The following ST3GAL5 variants were observed in gnomAD, a reference collection of about 807,000 sequenced individuals.
The protein encoded by ST3GAL5 is lactosylceramide alpha-2,3-sialyltransferase.
A neutral mutation model predicts 46.1 loss-of-function variants in ST3GAL5; 25 were observed. That is an observed-to-expected ratio of 0.54 (90% confidence interval 0.40 to 0.76). The LOEUF (loss-of-function observed/expected upper bound fraction) is 0.76. ST3GAL5 is among the 30% of genes least tolerant of loss of function. ST3GAL5 has a pLI of 0.00. For synonymous variants in ST3GAL5, 182 were observed against 192.7 expected (o/e 0.94, Z 0.46); for missense variants, 431 against 521.2 (o/e 0.83, Z 1.69).
intron 3 of ST3GAL5, chr2:85,852,934 T>G: frequency 7.7e-7 from 1 of 1,301,980 alleles, no homozygotes; most frequent in Non-Finnish European, 1.0e-6. Context: ...TTGAAGATGC[T>G]GGTGCCTGGG....
In ST3GAL5 at chr2:85,840,350, G is replaced by T; in HGVS notation, c.1051C>A (p.His351Asn). 1 of 1,614,146 alleles carries T rather than the reference G, an allele frequency of 6.2e-7. No individual in the cohort carries two copies. Residue 351 changes from histidine (H) to asparagine (N), a missense_variant, in exon 7 of 7, where the codon CAT (histidine) becomes AAT (asparagine). Transcript: ENST00000638572. ...GCCAAACTGACTTCATCGCACAGAT[G>T]TGTGGCTAAGACAACGGCAATGACA... is the stretch of plus-strand genomic sequence containing the variant. ...IGVIAVVLAT[H>N]LCDEVSLAGF...
At chr2:85,884,235 G>A (rs985835786) in intron 1 of ST3GAL5, among the ~76,000 whole-genome samples, 2 of 152,164 alleles carry the variant, frequency 1.3e-5, no homozygotes, top group African/African-American at 4.8e-5. Context: ...TGAGAATAAA[G>A]TGAGTAGGAA....
intron 3 of ST3GAL5, 78 bp from the exon 4 acceptor site, chr2:85,848,282 C>T: frequency 6.2e-7 from 1 of 1,612,208 alleles, no homozygotes; most frequent in African/African-American, 1.3e-5. Flanking sequence ...GACAATTTGT[C>T]CTATGATGTC....
chr2:85,842,640 A>G (rs1682276349), intron 6 of ST3GAL5, among the ~76,000 whole-genome samples: 1 of 152,224 alleles, frequency 6.6e-6, no homozygotes, highest in South Asian at 2.1e-4. Context: ...GACAGATTAT[A>G]AAGCAGAAAG....
At chr2:85,848,634 C>G (rs1047082020) in intron 3 of ST3GAL5, 11 of 338,712 alleles carry the variant, frequency 3.2e-5, no homozygotes, top group Non-Finnish European at 6.3e-5. Flanking sequence ...TATGACCTGA[C>G]TTATATGAGG....
chr2:85,868,476 A>AT (rs33930859), intron 1 of ST3GAL5, among the ~76,000 whole-genome samples: 6,364 of 134,248 alleles, frequency 0.047, 209 homozygotes, highest in East Asian at 0.11. Context: ...TAATTTTTGT[A>AT]TTTTTTTTTT....
chr2:85,872,151 T>C lies in ST3GAL5; in HGVS notation c.83-8666A>G, dbSNP rs1573687790. Among the ~76,000 whole-genome samples, 2 of 151,678 alleles carry C rather than the reference T, an allele frequency of 1.3e-5. 1 individual carries two copies. Among genetic ancestry groups the C allele is most frequent in the Admixed American group, 1.3e-4 (2 of 15,234 alleles). On this transcript the variant is annotated intron_variant, in intron 1 of 6. Transcript: ENST00000638572. Reference sequence around the variant, plus strand: ...GACGGGGAAGGAATGGGGACAGAGGTCTCTGAGCCAGAACAAAGGCAAGAC... The same window carrying C: ...GACGGGGAAGGAATGGGGACAGAGGCCTCTGAGCCAGAACAAAGGCAAGAC...
At chr2:85,877,319 A>C (rs1686686216) in intron 1 of ST3GAL5, among the ~76,000 whole-genome samples, 1 of 152,264 alleles carries the variant, frequency 6.6e-6, no homozygotes, top group South Asian at 2.1e-4. Flanking sequence ...GGTCCAGTCC[A>C]GGATCATTTG....
intron 1 of ST3GAL5, among the ~76,000 whole-genome samples, chr2:85,886,398 A>AGT (rs1184874393): frequency 6.6e-6 from 1 of 152,172 alleles, no homozygotes; most frequent in African/African-American, 2.4e-5. Context: ...CCGCGACTGG[A>AGT]GTACAACACA....
chr2:85,840,528 T>A, intron 6 of ST3GAL5, 136 bp from the exon 7 acceptor site: 1 of 926,200 alleles, frequency 1.1e-6, no homozygotes, highest in Non-Finnish European at 1.7e-6. Flanking sequence ...CATAATTTTA[T>A]ACATCATGAA....
At chr2:85,878,310 A>G (rs758904361) in intron 1 of ST3GAL5, among the ~76,000 whole-genome samples, 2 of 152,242 alleles carry the variant, frequency 1.3e-5, no homozygotes, top group Non-Finnish European at 2.9e-5. Context: ...CAACCCAGTG[A>G]TACCCACTGT....
At chr2:85,865,908 G>A (rs1295229265) in intron 1 of ST3GAL5, 1 of 152,286 alleles carries the variant, frequency 6.6e-6, no homozygotes, top group Non-Finnish European at 1.5e-5. Flanking sequence ...GTGAAAGACT[G>A]GGAGGCAATC....
At chr2:85,853,228 C>G in intron 3 of ST3GAL5, 1 of 465,306 alleles carries the variant, frequency 2.1e-6, no homozygotes, top group Non-Finnish European at 3.7e-6. Flanking sequence ...ACCACACTTT[C>G]AAAGTGTCCA....
chr2:85,843,955 G>A (rs1682454171), intron 6 of ST3GAL5, among the ~76,000 whole-genome samples: 1 of 152,132 alleles, frequency 6.6e-6, no homozygotes, highest in South Asian at 2.1e-4. Flanking sequence ...CACCTACAAA[G>A]TGATGATAAA....
intron 1 of ST3GAL5, among the ~76,000 whole-genome samples, chr2:85,874,126 T>G (rs1327323111): frequency 2.0e-5 from 3 of 152,262 alleles, no homozygotes; most frequent in Non-Finnish European, 4.4e-5. Context: ...TGTACTAATT[T>G]TGACCATCAA....
chr2:85,878,397 CA>C (rs1401766323), intron 1 of ST3GAL5, among the ~76,000 whole-genome samples: 1 of 152,226 alleles, frequency 6.6e-6, no homozygotes, highest in Admixed American at 6.5e-5. Flanking sequence ...ATGCTATCTA[CA>C]CCAGCCTCAT....
At chr2:85,876,114 A>C (rs557502324) in intron 1 of ST3GAL5, among the ~76,000 whole-genome samples, 77 of 152,342 alleles carry the variant, frequency 5.1e-4, no homozygotes, top group African/African-American at 1.6e-3. Context: ...TTTAACTGGC[A>C]AATGCTGAGG....
intron 3 of ST3GAL5, chr2:85,850,461 G>A (rs1334101829): frequency 6.6e-6 from 1 of 152,266 alleles, no homozygotes; most frequent in Non-Finnish European, 1.5e-5. Flanking sequence ...CAAGGAATCT[G>A]CCTTGACCCT....
intron 1 of ST3GAL5, among the ~76,000 whole-genome samples, chr2:85,863,765 T>TG (rs1684983272): frequency 6.6e-6 from 1 of 151,796 alleles, no homozygotes; most frequent in Non-Finnish European, 1.5e-5. Context: ...TGGAGTGCAG[T>TG]GGCGTGATCT....
Sources: gnomAD v4.1 joint callset for allele counts (sites outside exome capture counted in the v4.1 genomes callset) on GRCh38, gnomAD v4.1.1 for gene constraint, MANE v1.5 for transcripts, NCBI Gene and HGNC (gene_info 2026-07-23, HGNC 2026-07-21) for gene names.